OLFML2A: variants seen among roughly 807,000 people sequenced by gnomAD.
OLFML2A encodes the protein olfactomedin-like protein 2A.
In OLFML2A, 47 loss-of-function variants were observed where a neutral mutation model predicts 60.9. That is an observed-to-expected ratio of 0.77 (90% CI 0.61 to 0.98). The LOEUF is 0.98. Among genes scored for constraint, OLFML2A ranks in the 50% least tolerant of loss-of-function variants. The probability of loss-of-function intolerance (pLI) is 0.00; values close to 1 mark genes in which losing one functional copy is unlikely to be tolerated. For synonymous variants in OLFML2A, 372 were observed against 375.0 expected, an observed-to-expected ratio of 0.99 and a Z score of 0.09; for missense variants, 922 against 879.8, an observed-to-expected ratio of 1.05 and a Z score of -0.61.
chr9:124,785,921 C>T (rs1841461454), intron 1 of OLFML2A, among the ~76,000 whole-genome samples: 1 of 152,076 alleles, frequency 6.6e-6, no homozygotes, highest in African/African-American at 2.4e-5. Context: ...CAAGACCAGC[C>T]TGGGCAACAT....
intron 2 of OLFML2A, 25 bp downstream of exon 2, chr9:124,787,263 G>C: frequency 1.2e-6 from 2 of 1,605,308 alleles, no homozygotes; most frequent in Non-Finnish European, 1.7e-6. Context: ...GTGATGGAGG[G>C]AGTAAGGGCC....
intron 1 of OLFML2A, among the ~76,000 whole-genome samples, chr9:124,782,252 G>A (rs1841374930): frequency 6.6e-6 from 1 of 152,208 alleles, no homozygotes; most frequent in Non-Finnish European, 1.5e-5. Context: ...TTGGAGTCAG[G>A]CCATGCTGTG....
chr9:124,789,241 T>C (rs1841532498), intron 2 of OLFML2A, among the ~76,000 whole-genome samples: 1 of 152,188 alleles, frequency 6.6e-6, no homozygotes, highest in Non-Finnish European at 1.5e-5. Flanking sequence ...GTTTGGTGCT[T>C]TTTGAAAGTA....
chr9:124,777,838 AC>A lies in OLFML2A; in HGVS notation c.90+483del, dbSNP rs1421807482. ...GATGTTCTTGCCAGGGACCGGGTGC[AC>A]CCCCTGGAGGACTAGGTAGCTCCAG... On this transcript the variant is annotated intron_variant, in intron 1 of 7. Coordinates refer to ENST00000373580, the MANE Select transcript of OLFML2A (RefSeq NM_182487.4). This position sits in a 1 kb window ranked among gnomAD's most constrained non-coding sequence, Gnocchi z 6.2. Among the ~76,000 whole-genome samples the A allele has an allele frequency of 3.3e-5, 5 of 151,886 alleles. No homozygotes were observed. The highest frequency in any genetic ancestry group is 1.3e-4 in the Admixed American group (2 of 15,260).
Position 124,792,305 on chromosome 9 carries a change from T to A in OLFML2A, c.355-2719T>A, listed in dbSNP as rs149681405. Among the ~76,000 whole-genome samples the A allele has an allele frequency of 8.0e-3, 1,216 of 152,032 alleles. 13 individuals are homozygous for A. Among genetic ancestry groups the A allele is most frequent in the African/African-American group, 0.028 (1,162 of 41,486 alleles). ...ACTGCCTCTGTCCCCTGATCTAGGCTCCTGTGTGTCACTACCTGTGCCCCG... is the reference window on the plus strand; with the variant it reads ...ACTGCCTCTGTCCCCTGATCTAGGCACCTGTGTGTCACTACCTGTGCCCCG... On this transcript the variant is annotated intron_variant, in intron 2 of 7. Transcript: ENST00000373580.
intron 2 of OLFML2A, among the ~76,000 whole-genome samples, chr9:124,790,944 A>C (rs1312454500): frequency 2.0e-4 from 30 of 152,166 alleles, no homozygotes; most frequent in Admixed American, 2.0e-3. Context: ...CCTCCGCAGC[A>C]TGGCTGTGGT....
chr9:124,804,408 C>T, intron 6 of OLFML2A, 66 bp downstream of exon 6: 2 of 1,416,596 alleles, frequency 1.4e-6, no homozygotes, highest in Admixed American at 2.5e-5. Context: ...CAGCCTGTTT[C>T]TGTGAAGCCC....
rs1217620454 is a variant in OLFML2A at position 124,809,985 on chromosome 9, C to T, written c.1532C>T (p.Thr511Ile). Residue 511 changes from threonine to isoleucine, a missense_variant, in exon 8 of 8, where the codon ACA (threonine) becomes ATA (isoleucine). Physicochemically the swap from Thr to Ile is moderately conservative, Grantham distance 89 (BLOSUM62 -1). Coordinates refer to ENST00000373580, the MANE Select transcript of OLFML2A (RefSeq NM_182487.4). ...CCCGACGTGGTATATGAGGACACCA[C>T]ACCTTGGAAGTGGCGCGGACACTCG... ...LLPDVVYEDT[T>I]PWKWRGHSDI... 1 of 1,614,170 alleles carries T rather than the reference C, an allele frequency of 6.2e-7. No individual in the cohort carries two copies. Among genetic ancestry groups the T allele is most frequent in the Non-Finnish European group, 8.5e-7 (1 of 1,180,034 alleles).
Position 124,777,299 on chromosome 9 carries a change from C to T in OLFML2A, c.29C>T (p.Pro10Leu), listed in dbSNP as rs1034337164. The T allele has an allele frequency of 7.8e-7, 1 of 1,282,118 alleles. No individual in the cohort carries two copies. Among genetic ancestry groups the T allele is most frequent in the East Asian group, 3.2e-5 (1 of 31,186 alleles). 79.4% of individuals were successfully genotyped at this position (1,282,118 alleles called of 1,614,324 possible). Residue 10 changes from proline to leucine, a missense_variant, in exon 1 of 8, where the codon CCG (proline) becomes CTG (leucine). Pro to Leu is a moderately conservative substitution (Grantham distance 98). Coordinates refer to ENST00000373580, the MANE Select transcript of OLFML2A (RefSeq NM_182487.4). This position sits in a 1 kb window ranked among gnomAD's most constrained non-coding sequence, Gnocchi z 6.2. ...GCCGCTGCCGCCCTCCCGCCCCGGCCGCTGCTCCTTCTGCCGCTAGTGCTG... is the reference window on the plus strand; with the variant it reads ...GCCGCTGCCGCCCTCCCGCCCCGGCTGCTGCTCCTTCTGCCGCTAGTGCTG... MAAAALPPRPLLLLPLVLLL... is the reference protein window; with the variant it reads MAAAALPPRLLLLLPLVLLL...
intron 4 of OLFML2A, among the ~76,000 whole-genome samples, chr9:124,799,865 C>G (rs894997996): frequency 5.3e-5 from 8 of 152,214 alleles, no homozygotes; most frequent in Non-Finnish European, 1.2e-4. Flanking sequence ...GCCTCCCCTG[C>G]TGTGGCTGGG....
intron 2 of OLFML2A, among the ~76,000 whole-genome samples, chr9:124,790,542 G>A (rs2131253928): frequency 6.6e-6 from 1 of 152,248 alleles, no homozygotes; most frequent in East Asian, 1.9e-4. Flanking sequence ...TCTCAGCCAG[G>A]AGCCCACAGT....
chr9:124,809,233 C>T (rs1841955631), intron 7 of OLFML2A, among the ~76,000 whole-genome samples: 1 of 152,208 alleles, frequency 6.6e-6, no homozygotes, highest in Non-Finnish European at 1.5e-5. Flanking sequence ...CAAAATTGGC[C>T]GGCTTTCTGC....
At chr9:124,795,231 C>A in intron 3 of OLFML2A, 100 bp downstream of exon 3, 1 of 625,700 alleles carries the variant, frequency 1.6e-6, no homozygotes, top group Non-Finnish European at 2.9e-6. Flanking sequence ...ACCCTGGTGA[C>A]CATGGGAAGC....
chr9:124,782,054 T>C (rs187045773), intron 1 of OLFML2A, among the ~76,000 whole-genome samples: 19 of 152,344 alleles, frequency 1.2e-4, no homozygotes, highest in Non-Finnish European at 2.5e-4. Flanking sequence ...GCAGGGACTT[T>C]CCTGCTTGGC....
At chr9:124,804,013 TG>T in intron 5 of OLFML2A, 80 bp from the exon 6 acceptor site, 1 of 1,492,858 alleles carries the variant, frequency 6.7e-7, no homozygotes, top group Non-Finnish European at 9.1e-7. Flanking sequence ...GCCCCTGAGA[TG>T]GGGGCCCAGT....
chr9:124,794,425 C>T (rs7855360), intron 2 of OLFML2A, among the ~76,000 whole-genome samples: 89,091 of 151,964 alleles, frequency 0.59, 26,807 homozygotes, highest in East Asian at 0.76. Context: ...ACACACCTCA[C>T]GAGGTTGTTA....
At chr9:124,794,196 A>G (rs1841621173) in intron 2 of OLFML2A, among the ~76,000 whole-genome samples, 3 of 152,194 alleles carry the variant, frequency 2.0e-5, no homozygotes, top group African/African-American at 7.2e-5. Flanking sequence ...CAACAGCTCA[A>G]TTCATCCCCA....
chr9:124,800,694 G>A (rs913232), intron 4 of OLFML2A, among the ~76,000 whole-genome samples: 97,437 of 152,192 alleles, frequency 0.64, 31,919 homozygotes, highest in South Asian at 0.77. Context: ...TTCCGCAGGC[G>A]AGAATGAAGC....
chr9:124,791,467 T>C (rs1003009981), intron 2 of OLFML2A, among the ~76,000 whole-genome samples: 4 of 152,126 alleles, frequency 2.6e-5, no homozygotes, highest in Admixed American at 2.0e-4. Flanking sequence ...CCAGGCGCAG[T>C]GCATCATGAG....
Sources: allele counts gnomAD v4.1 joint callset (sites outside exome capture counted in the v4.1 genomes callset), GRCh38; gene constraint gnomAD v4.1.1; non-coding constraint Gnocchi (gnomAD v3.1); transcripts MANE v1.5; gene names NCBI Gene and HGNC (gene_info 2026-07-23, HGNC 2026-07-21).